Variants in EYS observed in about 807,000 individuals in gnomAD.
The protein encoded by EYS is protein eyes shut homolog.
Under a neutral mutation model 282.1 loss-of-function variants are expected in EYS, and 250 were observed. That is an observed-to-expected ratio of 0.89 (90% CI 0.80 to 0.98). The LOEUF (loss-of-function observed/expected upper bound fraction) is 0.98. Ranked by LOEUF, EYS falls within the 50% of genes least tolerant of loss-of-function variation. The pLI is 0.00. For synonymous variants in EYS, 1,355 were observed against 1,282.9 expected (o/e 1.06, Z -1.20); for missense variants, 4,016 against 3,709.0 (o/e 1.08, Z -2.15).
At chr6:64,439,879 T>A (rs1774878276) in intron 26 of EYS, among the ~76,000 whole-genome samples, 1 of 151,860 alleles carries the variant, frequency 6.6e-6, no homozygotes, top group Non-Finnish European at 1.5e-5. Context: ...ATGAAGACAC[T>A]TTGAGCAAAA....
chr6:64,442,325 T>C (rs1014360391), intron 26 of EYS, among the ~76,000 whole-genome samples: 14 of 152,140 alleles, frequency 9.2e-5, no homozygotes, highest in Admixed American at 1.3e-4. Flanking sequence ...ATTCAAGAGG[T>C]GACTTGGGTG....
chr6:65,311,617 C>T lies in EYS; in HGVS notation c.1767-15498G>A, dbSNP rs1241411853. Among the ~76,000 whole-genome samples, 7 of 152,284 alleles carry T rather than the reference C, an allele frequency of 4.6e-5. No individual in the cohort carries two copies. In the East Asian group the frequency reaches 5.8e-4, roughly 13 times the overall value. ...GTCAATTAAATATGCACAAATTCTG[C>T]ACAACCCTCAGCCCCCTTTTGCAGA... On this transcript the variant is annotated intron_variant, in intron 11 of 42. Transcript: ENST00000503581.
intron 2 of EYS, among the ~76,000 whole-genome samples, chr6:65,524,703 G>T (rs1312296155): frequency 6.6e-6 from 1 of 152,188 alleles, no homozygotes; most frequent in Non-Finnish European, 1.5e-5. Flanking sequence ...TAGAATCAAT[G>T]TTGTGTGAAA....
chr6:64,654,732 G>A (rs1041092354), intron 22 of EYS, among the ~76,000 whole-genome samples: 1 of 152,046 alleles, frequency 6.6e-6, no homozygotes, highest in Non-Finnish European at 1.5e-5. Context: ...TTTCAAATCT[G>A]CATTTTCTGT....
chr6:64,312,302 G>A (rs1181504602), intron 29 of EYS, among the ~76,000 whole-genome samples: 1 of 152,106 alleles, frequency 6.6e-6, no homozygotes, highest in African/African-American at 2.4e-5. Flanking sequence ...ACCTCAGCAA[G>A]GGTGCTGTGG....
chr6:64,604,091 C>T (rs1191344139), intron 24 of EYS, among the ~76,000 whole-genome samples: 1 of 151,776 alleles, frequency 6.6e-6, no homozygotes, highest in Non-Finnish European at 1.5e-5. Flanking sequence ...ATGTGCTTCG[C>T]TCTCTGTATC....
At chr6:65,459,925 C>A (rs1156426927) in intron 5 of EYS, among the ~76,000 whole-genome samples, 1 of 132,826 alleles carries the variant, frequency 7.5e-6, no homozygotes, top group African/African-American at 2.7e-5. Flanking sequence ...TCTTATTTTT[C>A]CATACTTTTT....
chr6:65,116,795 A>G (rs539454026), intron 12 of EYS, among the ~76,000 whole-genome samples: 1 of 152,330 alleles, frequency 6.6e-6, no homozygotes, highest in Non-Finnish European at 1.5e-5. Context: ...TTTGTGACTT[A>G]AGTTGTTATA....
chr6:65,570,769 C>A (rs955595801), intron 2 of EYS, among the ~76,000 whole-genome samples: 1 of 152,012 alleles, frequency 6.6e-6, no homozygotes, highest in African/African-American at 2.4e-5. Context: ...CATTCCTTTC[C>A]TTTTGCATTA....
intron 33 of EYS, among the ~76,000 whole-genome samples, chr6:64,003,977 A>G (rs1393879717): frequency 6.6e-6 from 1 of 152,228 alleles, no homozygotes; most frequent in East Asian, 1.9e-4. Context: ...TGAGTCAATT[A>G]AACCTCTTTC....
At chr6:64,324,082 T>C (rs965436728) in intron 29 of EYS, among the ~76,000 whole-genome samples, 4 of 152,106 alleles carry the variant, frequency 2.6e-5, no homozygotes, top group Admixed American at 6.6e-5. Flanking sequence ...AGCTACAAAC[T>C]TGACATGGGA....
intron 12 of EYS, among the ~76,000 whole-genome samples, chr6:65,113,375 TAG>T (rs1775272851): frequency 6.9e-6 from 1 of 143,936 alleles, no homozygotes; most frequent in Non-Finnish European, 1.5e-5. Context: ...TTCAATTTTA[TAG>T]AGTGTATTGA....
chr6:65,697,838 T>C lies in EYS; in HGVS notation c.-448+9297A>G, dbSNP rs77257762. On this transcript the variant is annotated intron_variant, in intron 1 of 42. Coordinates refer to ENST00000503581, the MANE Select transcript of EYS (RefSeq NM_001142800.2). ...AGTATGCCCATTGCCTAATAAATTG[T>C]ATCCCTAGTCACAGTTTATAAGACA... Among the ~76,000 whole-genome samples the C allele has an allele frequency of 5.0e-3, 757 of 152,270 alleles. 6 individuals carry two copies. The highest frequency in any genetic ancestry group is 0.017 in the African/African-American group (714 of 41,586).
intron 18 of EYS, among the ~76,000 whole-genome samples, chr6:64,890,045 G>GCCCCC (rs34002004): frequency 2.1e-5 from 3 of 140,554 alleles, no homozygotes; most frequent in African/African-American, 8.7e-5. Flanking sequence ...GCCTATAAAT[G>GCCCCC]CCCCCCCCCC....
At chr6:64,455,059 A>C (rs1775508432) in intron 26 of EYS, among the ~76,000 whole-genome samples, 1 of 151,990 alleles carries the variant, frequency 6.6e-6, no homozygotes, top group Non-Finnish European at 1.5e-5. Context: ...ACCTTGTCGA[A>C]CTCTTCTACT....
intron 2 of EYS, among the ~76,000 whole-genome samples, chr6:65,631,882 G>A (rs546689046): frequency 1.3e-5 from 2 of 152,222 alleles, no homozygotes; most frequent in Admixed American, 1.3e-4. Flanking sequence ...TGGAAAGAAA[G>A]GTTATAATTC....
At chr6:64,292,159 A>G (rs376192366) in intron 30 of EYS, among the ~76,000 whole-genome samples, 9 of 152,124 alleles carry the variant, frequency 5.9e-5, no homozygotes, top group African/African-American at 2.2e-4. Flanking sequence ...ACAACAGCTT[A>G]ACTCAAACCC....
chr6:64,465,984 C>A (rs915474559), intron 26 of EYS, among the ~76,000 whole-genome samples: 2 of 151,614 alleles, frequency 1.3e-5, no homozygotes, highest in African/African-American at 2.4e-5. Flanking sequence ...AAATGGCCAA[C>A]AGTATATGAA....
intron 33 of EYS, among the ~76,000 whole-genome samples, chr6:64,032,256 T>C (rs1291754889): frequency 1.3e-5 from 2 of 151,758 alleles, no homozygotes. Context: ...CCTTAAGAGC[T>C]GTAACACTCA....
Sources: allele counts gnomAD v4.1 joint callset (sites outside exome capture counted in the v4.1 genomes callset), GRCh38; gene constraint gnomAD v4.1.1; transcripts MANE v1.5; gene names NCBI Gene and HGNC (gene_info 2026-07-23, HGNC 2026-07-21).